The following RASEF variants were observed in gnomAD, a reference collection of about 807,000 sequenced individuals.
RASEF encodes RAS and EF-hand domain containing.
RASEF carries 68 observed loss-of-function variants against 90.1 expected under a neutral mutation model. The ratio of observed to expected loss-of-function variants is 0.75; its 90% CI spans 0.62 to 0.92. The LOEUF (loss-of-function observed/expected upper bound fraction) is 0.92, where lower values mean the gene tolerates loss of function less well. Among genes scored for constraint, RASEF ranks in the 40% least tolerant of loss-of-function variants. The pLI is 0.00. For missense variants in RASEF, 949 were observed against 937.2 expected (o/e 1.01, Z -0.16); for synonymous variants, 331 against 345.2 (o/e 0.96, Z 0.46).
chr9:83,090,491 C>T, the RASEF span, among the ~76,000 whole-genome samples: 2 of 152,094 alleles, frequency 1.3e-5, no homozygotes, highest in East Asian at 1.9e-4. Context: ...GCAACCTCCA[C>T]CTCCCAGGTT....
Position 82,979,748 on chromosome 9 carries a change from T to C in RASEF, c.*2929A>G, listed in dbSNP as rs1410570118. On this transcript the variant is annotated 3_prime_UTR_variant, in exon 17 of 17. Transcript: ENST00000376447. The stretch of plus-strand genomic sequence containing the variant: ...AAATATGGCCCACACAATGAAAATG[T>C]AAACCATATAAATCAAAATCATAAA... 1 of 152,084 alleles carries C rather than the reference T, an allele frequency of 6.6e-6. No individual in the cohort carries two copies. Among genetic ancestry groups the C allele is most frequent in the Non-Finnish European group, 1.5e-5 (1 of 68,018 alleles). 9.4% of individuals were successfully genotyped at this position (152,084 alleles called of 1,614,324 possible).
the RASEF span, among the ~76,000 whole-genome samples, chr9:83,124,972 A>G: frequency 0.5 from 76,036 of 151,620 alleles, 19,241 homozygotes; most frequent in East Asian, 0.79. Flanking sequence ...GTCGTGTGAT[A>G]GCATCGCCAA....
intron 1 of RASEF, among the ~76,000 whole-genome samples, chr9:83,058,172 C>CGTT (rs1830135692): frequency 1.7e-5 from 1 of 57,888 alleles, no homozygotes; most frequent in Non-Finnish European, 3.3e-5. Flanking sequence ...GTATTTATGT[C>CGTT]TTTTTTTTTT....
chr9:83,183,182 G>A, the RASEF span, among the ~76,000 whole-genome samples: 1 of 133,902 alleles, frequency 7.5e-6, no homozygotes, highest in African/African-American at 2.9e-5. Context: ...TTTGTTAATT[G>A]TACTTCAATA....
Position 82,982,652 on chromosome 9 carries a change from T to C in RASEF, c.*25A>G. The C allele has an allele frequency of 7.7e-7, 1 of 1,293,920 alleles. No individual in the cohort carries two copies. The highest frequency in any genetic ancestry group is 1.1e-6 in the Non-Finnish European group (1 of 887,842). 80.2% of individuals were successfully genotyped at this position (1,293,920 alleles called of 1,614,324 possible). ...AATTCAGTATTCTGGAAATGAAGACTTCACAGGCCAAGGATGTTTGGGATT... is the reference window on the plus strand; with the variant it reads ...AATTCAGTATTCTGGAAATGAAGACCTCACAGGCCAAGGATGTTTGGGATT... On this transcript the variant is annotated 3_prime_UTR_variant, in exon 17 of 17. Transcript: ENST00000376447.
intron 3 of RASEF, among the ~76,000 whole-genome samples, chr9:83,019,260 T>C (rs544656771): frequency 6.6e-6 from 1 of 152,190 alleles, no homozygotes; most frequent in Admixed American, 6.5e-5. Context: ...TCTCAAAACA[T>C]AGTAATTTTT....
intron 1 of RASEF, among the ~76,000 whole-genome samples, chr9:83,056,823 A>G (rs1830110992): frequency 6.6e-6 from 1 of 152,236 alleles, no homozygotes; most frequent in Admixed American, 6.5e-5. Flanking sequence ...AACCAGAAGG[A>G]CAGAATAAAT....
At chr9:83,188,723 C>T in the RASEF span, among the ~76,000 whole-genome samples, 2 of 152,166 alleles carry the variant, frequency 1.3e-5, no homozygotes, top group African/African-American at 4.8e-5. Context: ...GCCCAGCTCA[C>T]CCACAACACA....
the RASEF span, among the ~76,000 whole-genome samples, chr9:83,218,044 G>C: frequency 1.3e-5 from 2 of 152,154 alleles, no homozygotes; most frequent in Non-Finnish European, 2.9e-5. Flanking sequence ...AACACATGTG[G>C]TTGTCTCTGG....
At position 83,000,197 on chromosome 9, in the gene RASEF, T is replaced by C; in HGVS notation, c.1695A>G (p.Glu565=). The change falls in exon 12 of 17, where the codon GAA becomes GAG. Residue 565 remains glutamate (E), a synonymous_variant. Transcript: ENST00000376447. ...SSFLMRLCKN[E]FRENISATLG... is the part of the protein sequence containing the mutation. ...GGGTGGCGCTTATATTTTCTCGAAA[T>C]TCATTCTTGCAAAGTCTCATGAGGA... 1 of 1,613,984 alleles carries C rather than the reference T, an allele frequency of 6.2e-7. No homozygotes were observed. Among genetic ancestry groups the C allele is most frequent in the Non-Finnish European group, 8.5e-7 (1 of 1,179,978 alleles).
chr9:83,086,179 A>G, the RASEF span, among the ~76,000 whole-genome samples: 3 of 152,214 alleles, frequency 2.0e-5, no homozygotes, highest in Non-Finnish European at 4.4e-5. Flanking sequence ...AGGTAGAATT[A>G]ATATCTTAAA....
chr9:83,085,336 T>TA, the RASEF span, among the ~76,000 whole-genome samples: 2 of 152,180 alleles, frequency 1.3e-5, no homozygotes, highest in Non-Finnish European at 2.9e-5. Flanking sequence ...TCAAGCATTA[T>TA]AAAAAAGATG....
At chr9:83,174,430 C>A in the RASEF span, among the ~76,000 whole-genome samples, 1 of 152,074 alleles carries the variant, frequency 6.6e-6, no homozygotes, top group African/African-American at 2.4e-5. Flanking sequence ...TGAATTAATA[C>A]TCTTGTAAAG....
chr9:83,158,667 T>C, the RASEF span, among the ~76,000 whole-genome samples: 2 of 147,816 alleles, frequency 1.4e-5, no homozygotes, highest in African/African-American at 4.9e-5. Context: ...TACATATATG[T>C]ATATATTTAT....
intron 1 of RASEF, chr9:83,049,172 C>CATTGCTTA (rs1211055447): frequency 3.9e-6 from 1 of 253,442 alleles, no homozygotes; most frequent in African/African-American, 2.3e-5. Flanking sequence ...TTGACTTAAA[C>CATTGCTTA]ATTGCTTATA....
the RASEF span, among the ~76,000 whole-genome samples, chr9:83,075,301 C>A: frequency 6.6e-6 from 1 of 152,158 alleles, no homozygotes; most frequent in African/African-American, 2.4e-5. Flanking sequence ...AATTGGTTTC[C>A]AATCAACTTT....
At chr9:83,134,407 A>AGCGC in the RASEF span, among the ~76,000 whole-genome samples, 1 of 82,802 alleles carries the variant, frequency 1.2e-5, no homozygotes, top group East Asian at 6.7e-4. Context: ...TGATCACAAT[A>AGCGC]GCGCACACAC....
chr9:83,159,974 A>C, the RASEF span, among the ~76,000 whole-genome samples: 1 of 152,214 alleles, frequency 6.6e-6, no homozygotes, highest in Non-Finnish European at 1.5e-5. Flanking sequence ...GTTTGCTGCC[A>C]AGTGAGATGT....
At chr9:83,185,189 T>C in the RASEF span, among the ~76,000 whole-genome samples, 3 of 152,070 alleles carry the variant, frequency 2.0e-5, no homozygotes, top group Non-Finnish European at 4.4e-5. Context: ...AAAAATAATT[T>C]AAATAGGAAT....
Sources: gnomAD v4.1 joint callset for allele counts (sites outside exome capture counted in the v4.1 genomes callset) on GRCh38, gnomAD v4.1.1 for gene constraint, MANE v1.5 for transcripts, NCBI Gene and HGNC (gene_info 2026-07-23, HGNC 2026-07-21) for gene names.